Variants in COL23A1 observed in about 807,000 individuals in gnomAD.
COL23A1 encodes collagen alpha-1(XXIII) chain.
A neutral mutation model predicts 99.3 loss-of-function variants in COL23A1; 97 were observed. The observed-to-expected ratio is 0.98, with a 90% CI of 0.83 to 1.16. COL23A1 has a LOEUF of 1.16. COL23A1 is among the 50% of genes most tolerant of loss of function. COL23A1 has a pLI of 0.00. For missense variants in COL23A1, 762 were observed against 757.4 expected, an observed-to-expected ratio of 1.01 and a Z score of -0.07; for synonymous variants, 320 against 308.2, an observed-to-expected ratio of 1.04 and a Z score of -0.40.
chr5:178,420,891 G>C (rs922655013), intron 2 of COL23A1, among the ~76,000 whole-genome samples: 1 of 151,688 alleles, frequency 6.6e-6, no homozygotes. Flanking sequence ...TGTAGAACCT[G>C]AAACAGAGTT....
intron 3 of COL23A1, among the ~76,000 whole-genome samples, chr5:178,303,738 C>T (rs1481312691): frequency 1.3e-5 from 2 of 152,216 alleles, no homozygotes; most frequent in African/African-American, 4.8e-5. Flanking sequence ...CCCTTCTCTC[C>T]TCCTTCCCAT....
intron 2 of COL23A1, among the ~76,000 whole-genome samples, chr5:178,503,659 GGGA>G (rs1248341468): frequency 1.3e-5 from 2 of 152,158 alleles, no homozygotes; most frequent in East Asian, 3.9e-4. Context: ...CGAAAAGGGA[GGGA>G]GGGAGAGAGA....
intron 2 of COL23A1, among the ~76,000 whole-genome samples, chr5:178,492,594 C>T (rs142686042): frequency 9.9e-5 from 15 of 151,826 alleles, no homozygotes; most frequent in South Asian, 6.2e-4. Flanking sequence ...AGGAATGAAG[C>T]GCTGCAGTGA....
In COL23A1 at chr5:178,391,917, C is replaced by CTGGGATGAA. The variant is rs1259579819; in HGVS notation, c.362-84999_362-84998insTTCATCCCA. The stretch of plus-strand genomic sequence containing the variant: ...GACTAAAAGGAATGAAGTACTGACA[C>CTGGGATGAA]CGGGATGAACATGCAGGAATCTTGA... On this transcript the variant is annotated intron_variant, in intron 2 of 28. Coordinates refer to ENST00000390654, the MANE Select transcript of COL23A1 (RefSeq NM_173465.4). Among the ~76,000 whole-genome samples the CTGGGATGAA allele has an allele frequency of 2.1e-4, 32 of 152,096 alleles. No homozygotes were observed. The East Asian group carries it at 5.8e-3, about 27-fold the overall frequency.
intron 2 of COL23A1, among the ~76,000 whole-genome samples, chr5:178,462,631 C>T (rs1756184561): frequency 6.6e-6 from 1 of 152,080 alleles, no homozygotes; most frequent in Non-Finnish European, 1.5e-5. Context: ...CACGACCAGG[C>T]CAAATACAAA....
chr5:178,509,039 C>CA (rs1453473800), intron 2 of COL23A1, among the ~76,000 whole-genome samples: 1 of 152,088 alleles, frequency 6.6e-6, no homozygotes, highest in African/African-American at 2.4e-5. Context: ...AACACAAGGT[C>CA]AAGTACCTTT....
intron 19 of COL23A1, 138 bp downstream of exon 19, chr5:178,248,979 T>G: frequency 1.3e-6 from 1 of 782,700 alleles, no homozygotes; most frequent in Non-Finnish European, 2.2e-6. Context: ...GAGCCTAGAG[T>G]GTCCCCGGCC....
chr5:178,566,038 G>T (rs1311002981), intron 1 of COL23A1, among the ~76,000 whole-genome samples: 1 of 152,056 alleles, frequency 6.6e-6, no homozygotes, highest in African/African-American at 2.4e-5. Context: ...TGAGGCAGGA[G>T]AATCACTTGA....
At chr5:178,289,910 T>C (rs970875463) in intron 4 of COL23A1, among the ~76,000 whole-genome samples, 1 of 152,118 alleles carries the variant, frequency 6.6e-6, no homozygotes, top group Non-Finnish European at 1.5e-5. Context: ...ACTGATTTTT[T>C]CCCCCCAAAC....
At chr5:178,537,240 C>T (rs1177998410) in intron 2 of COL23A1, among the ~76,000 whole-genome samples, 4 of 152,144 alleles carry the variant, frequency 2.6e-5, no homozygotes, top group Non-Finnish European at 4.4e-5. Context: ...GGCTTGTAGA[C>T]GTGCCATCAG....
chr5:178,288,338 G>A lies in COL23A1; in HGVS notation c.427C>T (p.Arg143Ter), dbSNP rs373614230. ...TGACAAATTACCGGGTAGCCATCTC[G>A]TCCTGATTGCCCCTGTGGTAATTAA... ...GDPGPPGQSG[R>*]DGYPGPLGLD... The change falls in exon 5 of 29, where the codon CGA (arginine) becomes TGA (stop). Residue 143 changes from arginine (R) to a stop codon, truncating the protein, a stop_gained. Coordinates refer to ENST00000390654, the MANE Select transcript of COL23A1 (RefSeq NM_173465.4). LOFTEE classifies it high-confidence loss of function. 98 of 1,611,388 alleles carry A rather than the reference G, an allele frequency of 6.1e-5. No homozygotes were observed. Among genetic ancestry groups the A allele is most frequent in the Non-Finnish European group, 7.5e-5 (88 of 1,177,500 alleles).
At chr5:178,421,616 C>T (rs1255992242) in intron 2 of COL23A1, among the ~76,000 whole-genome samples, 2 of 152,164 alleles carry the variant, frequency 1.3e-5, no homozygotes, top group Non-Finnish European at 2.9e-5. Context: ...CACCTGTAAT[C>T]CCAGCACTTT....
intron 2 of COL23A1, among the ~76,000 whole-genome samples, chr5:178,461,712 T>C (rs2127902337): frequency 6.6e-6 from 1 of 152,318 alleles, no homozygotes; most frequent in East Asian, 1.9e-4. Context: ...CATATTCACC[T>C]AACAGGGAGT....
chr5:178,290,537 A>G (rs1581536609), intron 3 of COL23A1, among the ~76,000 whole-genome samples, 168 bp from the exon 4 acceptor site: 1 of 152,308 alleles, frequency 6.6e-6, no homozygotes, highest in East Asian at 1.9e-4. Flanking sequence ...AGCTGGGGGC[A>G]GAGCAGAAGG....
rs767731132 is a variant in COL23A1, at chr5:178,280,100, C to T, written c.441+8224G>A. On this transcript the variant is annotated intron_variant, in intron 5 of 28. Transcript: ENST00000390654. This position sits in a 1 kb window ranked among gnomAD's most constrained non-coding sequence, Gnocchi z 4.9. ...TGAAGGGAACGATTCTCTGAATGAACGTCCATCCTGCTGGCTCTCGTGCCC... is the reference window on the plus strand; with the variant it reads ...TGAAGGGAACGATTCTCTGAATGAATGTCCATCCTGCTGGCTCTCGTGCCC... Among the ~76,000 whole-genome samples the T allele has an allele frequency of 1.3e-5, 2 of 152,256 alleles. No individual in the cohort carries two copies. Among genetic ancestry groups the T allele is most frequent in the African/African-American group, 2.4e-5 (1 of 41,474 alleles).
chr5:178,454,493 G>A (rs1767660113), intron 2 of COL23A1, among the ~76,000 whole-genome samples: 1 of 152,178 alleles, frequency 6.6e-6, no homozygotes, highest in South Asian at 2.1e-4. Context: ...GCTTGGCTTG[G>A]GGTGACCAGA....
intron 9 of COL23A1, among the ~76,000 whole-genome samples, chr5:178,262,478 T>G (rs533337980): frequency 6.6e-6 from 1 of 152,282 alleles, no homozygotes; most frequent in South Asian, 2.1e-4. Flanking sequence ...ACTGAGCAGC[T>G]GTCCTGGGGG....
At chr5:178,320,315 G>T (rs964303024) in intron 2 of COL23A1, among the ~76,000 whole-genome samples, 1 of 152,202 alleles carries the variant, frequency 6.6e-6, no homozygotes, top group African/African-American at 2.4e-5. Flanking sequence ...CCCCAGGCCG[G>T]AACAATGGTT....
At chr5:178,476,221 A>G (rs565837503) in intron 2 of COL23A1, among the ~76,000 whole-genome samples, 45 of 152,310 alleles carry the variant, frequency 3.0e-4, no homozygotes, top group African/African-American at 1.1e-3. Flanking sequence ...TGGCGCATAC[A>G]GCATGCCTGC....
Sources: allele counts gnomAD v4.1 joint callset (sites outside exome capture counted in the v4.1 genomes callset), GRCh38; gene constraint gnomAD v4.1.1; non-coding constraint Gnocchi (gnomAD v3.1); transcripts MANE v1.5; gene names NCBI Gene and HGNC (gene_info 2026-07-23, HGNC 2026-07-21).